PCDH17: variants seen among roughly 807,000 people sequenced by gnomAD.
PCDH17 encodes protocadherin 17.
Under a neutral mutation model 67.7 loss-of-function variants are expected in PCDH17, and 21 were observed. The observed-to-expected ratio is 0.31, with a 90% confidence interval of 0.22 to 0.45. The LOEUF is 0.45. PCDH17 is among the 20% of genes least tolerant of loss of function. PCDH17 has a pLI of 1.00. For missense variants in PCDH17, 1,471 were observed against 1,564.8 expected (o/e 0.94, Z 1.01); for synonymous variants, 701 against 656.7 (o/e 1.07, Z -1.03).
At chr13:57,708,045 T>C (rs1332032451) in intron 3 of PCDH17, among the ~76,000 whole-genome samples, 1 of 152,106 alleles carries the variant, frequency 6.6e-6, no homozygotes, top group East Asian at 1.9e-4. Flanking sequence ...TAGCTGTTTT[T>C]TCTTCAACTT....
chr13:57,707,339 G>A (rs994251371), intron 3 of PCDH17, among the ~76,000 whole-genome samples: 12 of 60,880 alleles, frequency 2.0e-4, no homozygotes, highest in South Asian at 4.8e-4. Context: ...ATGACCGTGT[G>A]TGTGTGTGTG....
intron 3 of PCDH17, among the ~76,000 whole-genome samples, chr13:57,708,082 G>A (rs2138084967): frequency 6.6e-6 from 1 of 152,110 alleles, no homozygotes; most frequent in Admixed American, 6.6e-5. Context: ...TCTGATTAAA[G>A]GAGTTGTGTA....
Position 57,633,414 on chromosome 13 carries a change from G to A in PCDH17, c.868G>A (p.Val290Met). The A allele has an allele frequency of 6.2e-7, 1 of 1,613,414 alleles. No homozygotes were observed. The highest frequency in any genetic ancestry group is 8.5e-7 in the Non-Finnish European group (1 of 1,180,038). ...YSFSSYVPDR[V>M]RELFSIDPKT... ...TTTCAGCAGCTACGTGCCTGACCGC[G>A]TGCGGGAGCTCTTCTCCATCGACCC... Residue 290 changes from valine to methionine, a missense_variant, in exon 1 of 4, where the codon GTG becomes ATG. Around this residue, in one of 3 missense-constraint regions of PCDH17, gnomAD observed 1,163 missense variants for 1,230.0 expected, o/e 0.95. Coordinates refer to ENST00000377918, the MANE Select transcript of PCDH17 (RefSeq NM_001040429.3). The surrounding 1 kb of genome is among the most constrained non-coding windows in gnomAD (Gnocchi z 6.2).
At chr13:57,641,266 T>C (rs1294874744) in intron 1 of PCDH17, among the ~76,000 whole-genome samples, 2 of 151,700 alleles carry the variant, frequency 1.3e-5, no homozygotes, top group Non-Finnish European at 2.9e-5. Context: ...TTGACAATGA[T>C]ATACTGCGAT....
At chr13:57,721,948 G>A (rs1955875202) in intron 3 of PCDH17, among the ~76,000 whole-genome samples, 1 of 152,038 alleles carries the variant, frequency 6.6e-6, no homozygotes, top group African/African-American at 2.4e-5. Flanking sequence ...GACAGTTAGA[G>A]TTCATTTTGT....
chr13:57,694,992 G>A (rs1461131971), intron 3 of PCDH17, among the ~76,000 whole-genome samples: 2 of 150,980 alleles, frequency 1.3e-5, no homozygotes, highest in African/African-American at 4.8e-5. Context: ...TTAGTGTTTT[G>A]TATTTTATTA....
At chr13:57,641,580 AAAAAAAAATATATATATATAT>A (rs1954901089) in intron 1 of PCDH17, among the ~76,000 whole-genome samples, 1 of 85,422 alleles carries the variant, frequency 1.2e-5, no homozygotes, top group African/African-American at 5.0e-5. Flanking sequence ...AAAAAAAAAA[AAAAAAAAATATATATATATAT>A]ATATATATAT....
chr13:57,644,596 C>T (rs73205365), intron 1 of PCDH17, among the ~76,000 whole-genome samples: 17,782 of 151,374 alleles, frequency 0.12, 1,195 homozygotes, highest in Non-Finnish European at 0.16. Flanking sequence ...TACAATACCC[C>T]CCTTGGGCAG....
chr13:57,634,975 G>T lies in PCDH17; in HGVS notation c.2429G>T (p.Arg810Leu), dbSNP rs370112432. The part of the protein sequence containing the change: ...YQTRLPLSSP[R>L]SEVMYLKPAS... ...ACCCGCCTGCCCCTCAGCTCGCCCC[G>T]GTCGGAGGTGATGTATCTCAAACCG... The change falls in exon 1 of 4, where the codon CGG becomes CTG. Residue 810 changes from arginine to leucine, a missense_variant. Transcript: ENST00000377918. The surrounding 1 kb of genome is among the most constrained non-coding windows in gnomAD (Gnocchi z 7.8). 3.7e-6 allele frequency: 6 copies of T among 1,613,632 alleles called. No individual in the cohort carries two copies. The highest frequency in any genetic ancestry group is 5.1e-6 in the Non-Finnish European group (6 of 1,179,994).
At position 57,634,062 on chromosome 13, in the gene PCDH17, A is replaced by T; in HGVS notation, c.1516A>T (p.Thr506Ser). The change falls in exon 1 of 4, where the codon ACC becomes TCC. Residue 506 changes from threonine (T) to serine (S), a missense_variant. Thr to Ser is a moderately conservative substitution (Grantham distance 58). This residue lies in a region of PCDH17 where 1,163 missense variants were observed against 1,230.0 expected (regional missense o/e 0.95). Transcript: ENST00000377918. The surrounding 1 kb of genome is among the most constrained non-coding windows in gnomAD (Gnocchi z 7.8). ...GGATCCCGACCTGGGCCAGAACGGCACCGTATCCTACTCTATCCTGCCCTC... is the reference window on the plus strand; with the variant it reads ...GGATCCCGACCTGGGCCAGAACGGCTCCGTATCCTACTCTATCCTGCCCTC... ...AQDPDLGQNG[T>S]VSYSILPSHI... is the part of the protein sequence containing the mutation. 6.2e-7 allele frequency: 1 copy of T among 1,613,360 alleles called. No individual in the cohort carries two copies.
rs899939335 is a variant in PCDH17, at chr13:57,631,916, A to C, written c.-631A>C. Reference sequence around the variant, plus strand: ...ACAGACCGGCCCGCGCAGCAAGCAGACATTTCACGGTGCGCTGGGGAAGCT... The same window carrying C: ...ACAGACCGGCCCGCGCAGCAAGCAGCCATTTCACGGTGCGCTGGGGAAGCT... On this transcript the variant is annotated 5_prime_UTR_variant, in exon 1 of 4. Transcript: ENST00000377918. 1.3e-5 allele frequency: 2 copies of C among 152,418 alleles called. No homozygotes were observed. Among genetic ancestry groups the C allele is most frequent in the African/African-American group, 2.4e-5 (1 of 41,440 alleles). The allele number at this position is 152,418 out of a possible 1,614,324, so 9.4% of individuals were successfully genotyped here.
chr13:57,639,174 C>T (rs1239444519), intron 1 of PCDH17, among the ~76,000 whole-genome samples: 1 of 151,818 alleles, frequency 6.6e-6, no homozygotes, highest in African/African-American at 2.4e-5. Context: ...TTCACTCATC[C>T]TTTTTCTTAA....
At position 57,632,405 on chromosome 13, in the gene PCDH17, C is replaced by T; in HGVS notation, c.-142C>T. ...AAGGAGAGACCACCGGGTGCCGCAGCTCGGGTGCAGAGGGAAAAAAGGACC... is the reference window on the plus strand; with the variant it reads ...AAGGAGAGACCACCGGGTGCCGCAGTTCGGGTGCAGAGGGAAAAAAGGACC... On this transcript the variant is annotated 5_prime_UTR_variant, in exon 1 of 4. Coordinates refer to ENST00000377918, the MANE Select transcript of PCDH17 (RefSeq NM_001040429.3). 1 of 776,030 alleles carries T rather than the reference C, an allele frequency of 1.3e-6. No individual in the cohort carries two copies. The highest frequency in any genetic ancestry group is 2.1e-6 in the Non-Finnish European group (1 of 487,304). The allele number at this position is 776,030 out of a possible 1,614,324, so 48.1% of individuals were successfully genotyped here. A position where few individuals can be genotyped will look rare whatever the true frequency, so the allele number is the denominator to read the frequency against.
At chr13:57,679,139 T>C (rs965355221) in intron 3 of PCDH17, among the ~76,000 whole-genome samples, 1 of 151,536 alleles carries the variant, frequency 6.6e-6, no homozygotes, top group African/African-American at 2.4e-5. Flanking sequence ...CTTCAAGATA[T>C]GGATTTTTTT....
Position 57,633,126 on chromosome 13 carries a change from G to C in PCDH17, c.580G>C (p.Glu194Gln), listed in dbSNP as rs764635912. The change falls in exon 1 of 4, where the codon GAA becomes CAA. Residue 194 changes from glutamate (E) to glutamine (Q), a missense_variant. This residue lies in a region of PCDH17 where 1,163 missense variants were observed against 1,230.0 expected (regional missense o/e 0.95). Coordinates refer to ENST00000377918, the MANE Select transcript of PCDH17 (RefSeq NM_001040429.3). The surrounding 1 kb of genome is among the most constrained non-coding windows in gnomAD (Gnocchi z 6.2). ...KSRGDGTKFP[E>Q]LVIQKALDRE... is the part of the protein sequence containing the mutation. ...CCGCGGCGACGGCACCAAGTTCCCA[G>C]AACTGGTCATCCAGAAGGCTCTGGA... The C allele has an allele frequency of 6.2e-7, 1 of 1,613,500 alleles. No individual in the cohort carries two copies. The highest frequency in any genetic ancestry group is 1.1e-5 in the South Asian group (1 of 91,066).
intron 3 of PCDH17, among the ~76,000 whole-genome samples, chr13:57,693,871 GT>G (rs1955582801): frequency 6.7e-6 from 1 of 150,300 alleles, no homozygotes. Flanking sequence ...TTCTATATAA[GT>G]TATGTCTTCA....
chr13:57,644,486 T>C (rs1341531547), intron 1 of PCDH17, among the ~76,000 whole-genome samples: 1 of 151,476 alleles, frequency 6.6e-6, no homozygotes, highest in Non-Finnish European at 1.5e-5. Flanking sequence ...CAGTTCCCCA[T>C]CTCAAAACTC....
intron 1 of PCDH17, among the ~76,000 whole-genome samples, chr13:57,661,377 C>T (rs563943528): frequency 6.6e-6 from 1 of 152,226 alleles, no homozygotes; most frequent in South Asian, 2.1e-4. Context: ...GTTATACAGT[C>T]TGCATGCAAC....
rs947679742 is a variant in PCDH17, at chr13:57,727,219, A to G, written c.*1925A>G. ...CTTCATGACAAACAGTTTTGTGCCC[A>G]TACCTTAGAAAATGTGGTGCTGAGT... On this transcript the variant is annotated 3_prime_UTR_variant, in exon 4 of 4. Transcript: ENST00000377918. The G allele has an allele frequency of 2.6e-5, 4 of 152,578 alleles. No homozygotes were observed. The highest frequency in any genetic ancestry group is 5.9e-5 in the Non-Finnish European group (4 of 67,998). The allele number at this position is 152,578 out of a possible 1,614,324, so 9.5% of individuals were successfully genotyped here. A position where few individuals can be genotyped will look rare whatever the true frequency, so the allele number is the denominator to read the frequency against.
Sources: allele counts gnomAD v4.1 joint callset (sites outside exome capture counted in the v4.1 genomes callset), GRCh38; gene constraint gnomAD v4.1.1; regional missense constraint gnomAD v4.1.1; non-coding constraint Gnocchi (gnomAD v3.1); transcripts MANE v1.5; gene names NCBI Gene and HGNC (gene_info 2026-07-23, HGNC 2026-07-21).